The following UBA6 variants were observed in gnomAD, a reference collection of about 807,000 sequenced individuals.
UBA6 encodes the protein ubiquitin like modifier activating enzyme 6.
UBA6 carries 87 observed loss-of-function variants against 148.3 expected under a neutral mutation model. The ratio of observed to expected loss-of-function variants is 0.59; its 90% CI spans 0.49 to 0.70. The LOEUF (loss-of-function observed/expected upper bound fraction) is 0.70. UBA6 is among the 30% of genes least tolerant of loss of function. The probability of loss-of-function intolerance (pLI) is 0.00; values close to 1 mark genes in which losing one functional copy is unlikely to be tolerated. For synonymous variants in UBA6, 376 were observed against 401.0 expected (o/e 0.94, Z 0.75); for missense variants, 1,186 against 1,241.2 (o/e 0.96, Z 0.67).
chr4:67,635,406 T>TACAA lies in UBA6; in HGVS notation c.1842+43_1842+46dup, dbSNP rs761796147. On this transcript the variant is annotated intron_variant, in intron 20 of 32. Transcript: ENST00000322244. Reference sequence around the variant, plus strand: ...TCAAATTGTTGATTAAGACAAAAATTACAAGATATAAAAAAGACATCTATT... The same window carrying TACAA: ...TCAAATTGTTGATTAAGACAAAAATTACAAACAAGATATAAAAAAGACATCTATT... 9.1e-6 allele frequency: 11 copies of TACAA among 1,203,764 alleles called. No homozygotes were observed. In the South Asian group the frequency reaches 1.4e-4, roughly 16 times the overall value. The allele number at this position is 1,203,764 out of a possible 1,614,324, so 74.6% of individuals were successfully genotyped here.
At chr4:67,658,677 A>G (rs1033563312) in intron 13 of UBA6, among the ~76,000 whole-genome samples, 5 of 152,148 alleles carry the variant, frequency 3.3e-5, no homozygotes, top group Non-Finnish European at 7.4e-5. Flanking sequence ...ATGTAACCCT[A>G]AAGTTAAAAG....
chr4:67,639,517 A>G (rs890992756), intron 18 of UBA6, among the ~76,000 whole-genome samples: 22 of 152,182 alleles, frequency 1.4e-4, no homozygotes, highest in African/African-American at 4.3e-4. Flanking sequence ...TCTGCAGAAG[A>G]TAAGTTCTTA....
In UBA6 at chr4:67,649,064, T is replaced by C; in HGVS notation, c.1248+4A>G. ...GAATTCAACTTTAAAAACTCAGAAC[T>C]AACCCACTGGCACAAAGGAGAAAAT... On this transcript the variant is annotated splice_donor_region_variant and intron_variant, in intron 14 of 32. Coordinates refer to ENST00000322244, the MANE Select transcript of UBA6 (RefSeq NM_018227.6). 6.2e-7 allele frequency: 1 copy of C among 1,612,608 alleles called. No individual in the cohort carries two copies. Among genetic ancestry groups the C allele is most frequent in the South Asian group, 1.1e-5 (1 of 90,710 alleles).
At chr4:67,656,748 T>A (rs148200759) in intron 13 of UBA6, among the ~76,000 whole-genome samples, 1,923 of 152,300 alleles carry the variant, frequency 0.013, 41 homozygotes, top group African/African-American at 0.042. Flanking sequence ...ATTGTCTCTG[T>A]TTGCAGATGA....
intron 9 of UBA6, among the ~76,000 whole-genome samples, chr4:67,668,138 A>G (rs938817840): frequency 1.3e-5 from 2 of 152,178 alleles, no homozygotes; most frequent in African/African-American, 4.8e-5. Context: ...CCTCCTAAAT[A>G]TCTTAAGACT....
chr4:67,701,083 C>G lies in UBA6; in HGVS notation c.37G>C (p.Glu13Gln), dbSNP rs749525878. 6.2e-7 allele frequency: 1 copy of G among 1,613,796 alleles called. No individual in the cohort carries two copies. The highest frequency in any genetic ancestry group is 8.5e-7 in the Non-Finnish European group (1 of 1,179,814). ...CCCCAGGAAGAACAGGACGCCTCTT[C>G]CCCCTGATGGGCGGCCACAGGCTCG... ...GSEPVAAHQG[E>Q]EASCSSWGTG... Residue 13 changes from glutamate to glutamine, a missense_variant, in exon 1 of 33, where the codon GAA (glutamate) becomes CAA (glutamine). Transcript: ENST00000322244.
chr4:67,695,215 T>C (rs1166485939), intron 2 of UBA6, among the ~76,000 whole-genome samples: 4 of 152,214 alleles, frequency 2.6e-5, no homozygotes, highest in Non-Finnish European at 5.9e-5. Context: ...AATATAATTA[T>C]AGATTAAGAA....
chr4:67,615,373 T>C lies in UBA6; in HGVS notation c.*3624A>G, dbSNP rs1728605101. 6.6e-6 allele frequency: 1 copy of C among 152,234 alleles called. No individual in the cohort carries two copies. The highest frequency in any genetic ancestry group is 2.4e-5 in the African/African-American group (1 of 41,448). 9.4% of individuals were successfully genotyped at this position (152,234 alleles called of 1,614,324 possible). A position where few individuals can be genotyped will look rare whatever the true frequency, so the allele number is the denominator to read the frequency against. ...TGCAGGGATGCTGGTGCAATGTTTG[T>C]ACAACCTGCTGAACCATGAGCCAAA... On this transcript the variant is annotated 3_prime_UTR_variant, in exon 33 of 33. Coordinates refer to ENST00000322244, the MANE Select transcript of UBA6 (RefSeq NM_018227.6).
chr4:67,681,988 TA>T (rs1462568897), intron 3 of UBA6, 130 bp downstream of exon 3: 8 of 689,560 alleles, frequency 1.2e-5, no homozygotes, highest in Non-Finnish European at 2.0e-5. Context: ...TGACAAAGAT[TA>T]AAAACTCAAT....
At chr4:67,697,738 C>G (rs151048234) in intron 1 of UBA6, among the ~76,000 whole-genome samples, 44 of 152,326 alleles carry the variant, frequency 2.9e-4, no homozygotes, top group African/African-American at 9.9e-4. Context: ...CTATTTCAAT[C>G]AGTACAATCT....
At chr4:67,683,914 A>C (rs903049044) in intron 2 of UBA6, among the ~76,000 whole-genome samples, 5 of 152,064 alleles carry the variant, frequency 3.3e-5, no homozygotes, top group African/African-American at 1.2e-4. Flanking sequence ...CTCTATAAAA[A>C]CTACAAAAAT....
intron 27 of UBA6, among the ~76,000 whole-genome samples, 186 bp from the exon 28 acceptor site, chr4:67,626,663 T>C (rs1404646020): frequency 4.6e-5 from 7 of 151,944 alleles, no homozygotes; most frequent in African/African-American, 1.4e-4. Context: ...TATTCATGTA[T>C]GTATTTTATT....
In UBA6 at chr4:67,682,818, T is replaced by C. The variant is rs1025845419; in HGVS notation, c.135-605A>G. On this transcript the variant is annotated intron_variant, in intron 2 of 32. Coordinates refer to ENST00000322244, the MANE Select transcript of UBA6 (RefSeq NM_018227.6). ...AACAATGAGAAACTTGATGCTATCT[T>C]TGGAGATAATATAAATTCCAATGAA... 2.6e-5 allele frequency among the ~76,000 whole-genome samples: 4 copies of C among 152,208 alleles called. No homozygotes were observed. The East Asian group carries it at 7.7e-4, about 29-fold the overall frequency.
chr4:67,689,526 T>C (rs1412556023), intron 2 of UBA6, among the ~76,000 whole-genome samples: 4 of 152,038 alleles, frequency 2.6e-5, no homozygotes, highest in African/African-American at 9.7e-5. Context: ...AAAAGAGAAA[T>C]GTTTGTTTCT....
At chr4:67,683,305 CT>C (rs1282280923) in intron 2 of UBA6, among the ~76,000 whole-genome samples, 1 of 152,176 alleles carries the variant, frequency 6.6e-6, no homozygotes, top group Non-Finnish European at 1.5e-5. Flanking sequence ...GATGGAATCA[CT>C]TTGAGTGTCT....
intron 27 of UBA6, among the ~76,000 whole-genome samples, chr4:67,628,067 T>C (rs2109898380): frequency 6.6e-6 from 1 of 151,704 alleles, no homozygotes; most frequent in Admixed American, 6.6e-5. Flanking sequence ...ATCATTACCC[T>C]TTCTCCAGCC....
chr4:67,642,434 A>G (rs1405345103), intron 17 of UBA6, among the ~76,000 whole-genome samples: 1 of 152,084 alleles, frequency 6.6e-6, no homozygotes, highest in African/African-American at 2.4e-5. Flanking sequence ...ACTTTTAACC[A>G]TCTCACTCTA....
At chr4:67,620,966 A>T (rs1728736947) in intron 32 of UBA6, among the ~76,000 whole-genome samples, 1 of 152,204 alleles carries the variant, frequency 6.6e-6, no homozygotes. Flanking sequence ...AGTACTTAAC[A>T]GGTACTCAAT....
intron 8 of UBA6, 96 bp downstream of exon 8, chr4:67,670,374 C>A: frequency 1.9e-6 from 2 of 1,043,632 alleles, no homozygotes; most frequent in Non-Finnish European, 1.4e-6. Flanking sequence ...ATAAATTTTG[C>A]ACACTGCAAT....
Sources: allele counts gnomAD v4.1 joint callset (sites outside exome capture counted in the v4.1 genomes callset), GRCh38; gene constraint gnomAD v4.1.1; transcripts MANE v1.5; gene names NCBI Gene and HGNC (gene_info 2026-07-23, HGNC 2026-07-21).